Variants in CNGB3 observed in about 807,000 individuals in gnomAD.
CNGB3 encodes the protein cyclic nucleotide gated channel subunit beta 3, also known as cyclic nucleotide-gated channel beta-3.
CNGB3 carries 86 observed loss-of-function variants against 92.8 expected under a neutral mutation model. The ratio of observed to expected loss-of-function variants is 0.93; its 90% CI spans 0.78 to 1.11. CNGB3 has a LOEUF of 1.11. Among genes scored for constraint, CNGB3 ranks in the 50% least tolerant of loss-of-function variants. CNGB3 has a pLI of 0.00. For synonymous variants in CNGB3, 333 were observed against 332.7 expected (o/e 1.00, Z -0.01); for missense variants, 1,026 against 956.8 (o/e 1.07, Z -0.95).
At chr8:86,689,196 C>A (rs1824249646) in intron 3 of CNGB3, among the ~76,000 whole-genome samples, 2 of 151,330 alleles carry the variant, frequency 1.3e-5, no homozygotes, top group African/African-American at 2.4e-5. Context: ...TGTGGCCTAA[C>A]ATATGGTCTA....
At chr8:86,712,730 T>G (rs1824772225) in intron 3 of CNGB3, among the ~76,000 whole-genome samples, 1 of 150,838 alleles carries the variant, frequency 6.6e-6, no homozygotes, top group African/African-American at 2.4e-5. Flanking sequence ...CTATTAGTTT[T>G]ATTTTTCAGG....
intron 3 of CNGB3, among the ~76,000 whole-genome samples, chr8:86,677,588 C>A (rs965519449): frequency 6.6e-6 from 1 of 152,152 alleles, no homozygotes; most frequent in South Asian, 2.1e-4. Context: ...GAAGTCACAA[C>A]CTTGGAATTT....
At chr8:86,736,017 T>C (rs1384414641) in intron 2 of CNGB3, among the ~76,000 whole-genome samples, 3 of 152,034 alleles carry the variant, frequency 2.0e-5, no homozygotes, top group Non-Finnish European at 2.9e-5. Context: ...ATGAAATAGA[T>C]GCCTAAGGAA....
intron 13 of CNGB3, among the ~76,000 whole-genome samples, chr8:86,624,720 G>T (rs1822810708): frequency 6.6e-6 from 1 of 152,180 alleles, no homozygotes; most frequent in Non-Finnish European, 1.5e-5. Flanking sequence ...CATTTAATCA[G>T]AGAGGCCTTT....
chr8:86,637,370 T>C (rs1823092031), intron 10 of CNGB3, among the ~76,000 whole-genome samples: 1 of 152,206 alleles, frequency 6.6e-6, no homozygotes, highest in Non-Finnish European at 1.5e-5. Context: ...AGCTCTGTGA[T>C]ATATTTTGAA....
At chr8:86,591,325 C>A (rs892202184) in intron 15 of CNGB3, among the ~76,000 whole-genome samples, 10 of 38,804 alleles carry the variant, frequency 2.6e-4, no homozygotes, top group Admixed American at 9.0e-4. Flanking sequence ...CGTCTGAAGC[C>A]TTCTTCTCTC....
intron 15 of CNGB3, among the ~76,000 whole-genome samples, chr8:86,602,513 C>T (rs1253777278): frequency 5.9e-5 from 9 of 152,110 alleles, no homozygotes; most frequent in East Asian, 1.9e-4. Context: ...CACTGGACCC[C>T]GATCCGTGGA....
At chr8:86,597,602 T>C (rs917284175) in intron 15 of CNGB3, among the ~76,000 whole-genome samples, 1 of 151,780 alleles carries the variant, frequency 6.6e-6, no homozygotes, top group African/African-American at 2.4e-5. Context: ...CAGGCGGAGG[T>C]AATAGAATGT....
chr8:86,632,868 C>CCCAATAAATAA lies in CNGB3; in HGVS notation c.1203_1204insTTATTTATTGG (p.Val402LeufsTer8). On this transcript the variant is annotated frameshift_variant, in exon 11 of 18. Transcript: ENST00000320005. LOFTEE classifies it high-confidence loss of function. Reference sequence around the variant, plus strand: ...CCACCAATGGTAATTAAAGTTCGAACTGCCCAATAATAACATCTCAGATAC... The same window carrying CCCAATAAATAA: ...CCACCAATGGTAATTAAAGTTCGAACCCAATAAATAATGCCCAATAATAACATCTCAGATAC... 1 of 1,612,618 alleles carries CCCAATAAATAA rather than the reference C, an allele frequency of 6.2e-7. No homozygotes were observed. The highest frequency in any genetic ancestry group is 8.5e-7 in the Non-Finnish European group (1 of 1,179,796).
At chr8:86,652,011 A>G (rs1223169783) in intron 7 of CNGB3, among the ~76,000 whole-genome samples, 1 of 151,942 alleles carries the variant, frequency 6.6e-6, no homozygotes, top group Non-Finnish European at 1.5e-5. Flanking sequence ...GGTATGGTAT[A>G]GACATACAAG....
chr8:86,600,858 C>T (rs2131556253), intron 15 of CNGB3, among the ~76,000 whole-genome samples: 1 of 132,546 alleles, frequency 7.5e-6, no homozygotes. Context: ...TCTTGATCTC[C>T]AGGCCTTGTG....
intron 6 of CNGB3, among the ~76,000 whole-genome samples, chr8:86,664,424 G>A (rs1823701790): frequency 6.6e-6 from 1 of 152,180 alleles, no homozygotes; most frequent in African/African-American, 2.4e-5. Context: ...TTCCTATTGT[G>A]ATATTGGAGG....
chr8:86,662,597 G>C (rs1441057660), intron 6 of CNGB3, among the ~76,000 whole-genome samples: 1 of 152,196 alleles, frequency 6.6e-6, no homozygotes, highest in Admixed American at 6.5e-5. Flanking sequence ...CCAGGTGGGA[G>C]GGGGTTGCTG....
intron 7 of CNGB3, among the ~76,000 whole-genome samples, chr8:86,649,661 A>G (rs1200922963): frequency 6.6e-6 from 1 of 151,808 alleles, no homozygotes; most frequent in Non-Finnish European, 1.5e-5. Flanking sequence ...AGATAAATCA[A>G]AGACTTAAAT....
chr8:86,708,563 ATTTTTTTTTTT>A (rs10714055), intron 3 of CNGB3, among the ~76,000 whole-genome samples: 1 of 85,936 alleles, frequency 1.2e-5, no homozygotes, highest in Non-Finnish European at 2.2e-5. Context: ...TCTTTTCTTA[ATTTTTTTTTTT>A]TTTTTTTTTT....
At chr8:86,658,826 G>A in intron 6 of CNGB3, 1 of 603,852 alleles carries the variant, frequency 1.7e-6, no homozygotes, top group South Asian at 1.9e-5. Context: ...CTGCATGACT[G>A]ATGGTGGTGA....
At chr8:86,645,000 GT>G (rs1417698921) in intron 8 of CNGB3, among the ~76,000 whole-genome samples, 2 of 151,076 alleles carry the variant, frequency 1.3e-5, no homozygotes, top group Admixed American at 1.3e-4. Flanking sequence ...GTAGAACTCT[GT>G]TTCCCAACAA....
At position 86,679,757 on chromosome 8, in the gene CNGB3, C is replaced by G. The variant is rs546350636; in HGVS notation, c.339-8659G>C. Among the ~76,000 whole-genome samples the G allele has an allele frequency of 5.3e-5, 8 of 152,252 alleles. No individual in the cohort carries two copies. The South Asian group carries it at 1.7e-3, about 32-fold the overall frequency. On this transcript the variant is annotated intron_variant, in intron 3 of 17. Transcript: ENST00000320005. ...GCCAGGCTGGTCTTGAACTCCTAAC[C>G]TCAGGTGATCCGCCCACCTTGGCCT...
At chr8:86,715,823 C>T (rs1358619207) in intron 3 of CNGB3, among the ~76,000 whole-genome samples, 56 of 100,606 alleles carry the variant, frequency 5.6e-4, no homozygotes, top group African/African-American at 2.0e-3. Context: ...TGGGGCCTGT[C>T]GTGGGGTGGG....
Sources: gnomAD v4.1 joint callset for allele counts (sites outside exome capture counted in the v4.1 genomes callset) on GRCh38, gnomAD v4.1.1 for gene constraint, MANE v1.5 for transcripts, NCBI Gene and HGNC (gene_info 2026-07-23, HGNC 2026-07-21) for gene names.